SPOCK3: variants seen among roughly 807,000 people sequenced by gnomAD.
SPOCK3 encodes testican-3.
In SPOCK3, 30 loss-of-function variants were observed where a neutral mutation model predicts 56.6. The ratio of observed to expected loss-of-function variants is 0.53; its 90% CI spans 0.40 to 0.72. SPOCK3 has a LOEUF of 0.72. Among genes scored for constraint, SPOCK3 ranks in the 30% least tolerant of loss-of-function variants. SPOCK3 has a pLI of 0.00. For missense variants in SPOCK3, 527 were observed against 530.0 expected (o/e 0.99, Z 0.06); for synonymous variants, 196 against 183.3 (o/e 1.07, Z -0.56).
At chr4:166,815,110 A>T (rs62356761) in intron 6 of SPOCK3, among the ~76,000 whole-genome samples, 5,288 of 152,104 alleles carry the variant, frequency 0.035, 94 homozygotes, top group African/African-American at 0.052. Context: ...TCTTAAAATG[A>T]CTGTTAGAAT....
chr4:167,001,399 A>C (rs2703837), intron 3 of SPOCK3, among the ~76,000 whole-genome samples: 152,199 of 152,288 alleles, frequency 1, 76,055 homozygotes, highest in Middle Eastern at 1. Flanking sequence ...GTGCTTTGTG[A>C]CTAGCTTCTT....
intron 3 of SPOCK3, among the ~76,000 whole-genome samples, chr4:167,021,346 C>T (rs770408847): frequency 6.6e-6 from 1 of 151,788 alleles, no homozygotes; most frequent in Non-Finnish European, 1.5e-5. Context: ...TCATTTCTTG[C>T]GAGTTAGTCC....
At chr4:166,966,850 C>T (rs1744792910) in intron 4 of SPOCK3, among the ~76,000 whole-genome samples, 2 of 152,078 alleles carry the variant, frequency 1.3e-5, no homozygotes, top group Admixed American at 1.3e-4. Context: ...ACTTTGATGA[C>T]ACTGTTATAG....
At chr4:167,202,042 G>T (rs997011080) in intron 2 of SPOCK3, among the ~76,000 whole-genome samples, 2 of 151,758 alleles carry the variant, frequency 1.3e-5, no homozygotes, top group African/African-American at 4.8e-5. Flanking sequence ...ATACACTTAG[G>T]CTTCAAAAAT....
At chr4:167,185,901 C>T (rs888905959) in intron 2 of SPOCK3, among the ~76,000 whole-genome samples, 1 of 152,194 alleles carries the variant, frequency 6.6e-6, no homozygotes, top group African/African-American at 2.4e-5. Context: ...ACTTTGACAA[C>T]TACTGTATTA....
Position 166,823,217 on chromosome 4 carries a change from A to G in SPOCK3, c.590-30928T>C, listed in dbSNP as rs535258866. ...CACCAACGGAATGTGAGTCAAAGTG[A>G]TAAACACTTTCAAGCTGAGACAACT... On this transcript the variant is annotated intron_variant, in intron 6 of 10. Coordinates refer to ENST00000357545, the MANE Select transcript of SPOCK3 (RefSeq NM_001040159.2). Among the ~76,000 whole-genome samples the G allele has an allele frequency of 7.9e-5, 12 of 152,158 alleles. No individual in the cohort carries two copies. In the East Asian group the frequency reaches 2.3e-3, roughly 30 times the overall value.
chr4:166,886,953 C>T (rs1013209976), intron 6 of SPOCK3, among the ~76,000 whole-genome samples: 1 of 152,118 alleles, frequency 6.6e-6, no homozygotes, highest in South Asian at 2.1e-4. Context: ...CCTGTACTTG[C>T]GTTGCCCTGA....
chr4:166,823,292 A>G (rs1325759283), intron 6 of SPOCK3, among the ~76,000 whole-genome samples: 1 of 151,998 alleles, frequency 6.6e-6, no homozygotes, highest in Non-Finnish European at 1.5e-5. Flanking sequence ...TTCTGACCAA[A>G]TCCAGAGGAC....
At chr4:166,930,413 G>A (rs889580258) in intron 4 of SPOCK3, among the ~76,000 whole-genome samples, 7 of 151,868 alleles carry the variant, frequency 4.6e-5, no homozygotes, top group African/African-American at 1.7e-4. Context: ...GTCATTATAA[G>A]CAACAAGTGT....
intron 3 of SPOCK3, among the ~76,000 whole-genome samples, chr4:167,043,401 C>T (rs1436747945): frequency 6.6e-6 from 1 of 151,974 alleles, no homozygotes; most frequent in Non-Finnish European, 1.5e-5. Context: ...CACCAGGGAA[C>T]AAAATCAGTT....
chr4:166,832,257 G>A (rs567292019), intron 6 of SPOCK3, among the ~76,000 whole-genome samples: 10 of 151,992 alleles, frequency 6.6e-5, no homozygotes, highest in African/African-American at 2.2e-4. Flanking sequence ...GTTAATTTTT[G>A]TATATGGTGA....
intron 3 of SPOCK3, among the ~76,000 whole-genome samples, chr4:167,019,062 C>T (rs1750920927): frequency 6.6e-6 from 1 of 152,152 alleles, no homozygotes; most frequent in East Asian, 1.9e-4. Context: ...GCAGTGGATG[C>T]ACCCGACACA....
Position 167,125,191 on chromosome 4 carries a change from T to TA in SPOCK3, c.190-62655_190-62654insT, listed in dbSNP as rs71604469. ...GGTTCTTTGTATGAGCACAGAGATT[T>TA]TTTATTTATTTATTTATTTATTTAT... On this transcript the variant is annotated intron_variant, in intron 2 of 10. Coordinates refer to ENST00000357545, the MANE Select transcript of SPOCK3 (RefSeq NM_001040159.2). Among the ~76,000 whole-genome samples the TA allele has an allele frequency of 8.4e-5, 12 of 142,528 alleles. No homozygotes were observed. The South Asian group carries it at 1.3e-3, about 16-fold the overall frequency. The allele number at this position is 142,528 out of a possible 152,430, so 93.5% of individuals were successfully genotyped here.
intron 4 of SPOCK3, among the ~76,000 whole-genome samples, chr4:166,992,011 T>C (rs1460936933): frequency 3.9e-5 from 6 of 152,140 alleles, no homozygotes; most frequent in African/African-American, 1.4e-4. Context: ...GTTAAGTAAA[T>C]TATGGGATAG....
intron 3 of SPOCK3, among the ~76,000 whole-genome samples, chr4:167,020,035 CA>C (rs1751019039): frequency 6.6e-6 from 1 of 152,058 alleles, no homozygotes; most frequent in African/African-American, 2.4e-5. Context: ...TTGGATGTTA[CA>C]GAAGTGAAAC....
chr4:166,923,618 T>C (rs1233989652), intron 4 of SPOCK3, among the ~76,000 whole-genome samples: 1 of 152,190 alleles, frequency 6.6e-6, no homozygotes, highest in Admixed American at 6.5e-5. Context: ...TGATGATATT[T>C]TGGGACTCAT....
At chr4:166,893,160 C>G (rs1430850899) in intron 5 of SPOCK3, among the ~76,000 whole-genome samples, 1 of 152,034 alleles carries the variant, frequency 6.6e-6, no homozygotes, top group Non-Finnish European at 1.5e-5. Flanking sequence ...AACCCCCCTG[C>G]CAGAACAAAG....
chr4:167,215,260 T>G (rs1735244664), intron 2 of SPOCK3, among the ~76,000 whole-genome samples: 1 of 152,116 alleles, frequency 6.6e-6, no homozygotes, highest in Non-Finnish European at 1.5e-5. Flanking sequence ...CTGCAAAGAA[T>G]AGGTTTCAGT....
intron 2 of SPOCK3, among the ~76,000 whole-genome samples, chr4:167,108,946 TTATAAATATTATATATATAAATA>T (rs1222949968): frequency 9.4e-6 from 1 of 106,588 alleles, no homozygotes; most frequent in Non-Finnish European, 1.8e-5. Flanking sequence ...TATATTTATA[TTATAAATATTATATATATAAATA>T]TATAAATATT....
Sources: gnomAD v4.1 joint callset for allele counts (sites outside exome capture counted in the v4.1 genomes callset) on GRCh38, gnomAD v4.1.1 for gene constraint, MANE v1.5 for transcripts, NCBI Gene and HGNC (gene_info 2026-07-23, HGNC 2026-07-21) for gene names.